Variants in TMTC2 observed in about 807,000 individuals in gnomAD.
TMTC2 encodes the protein transmembrane O-mannosyltransferase targeting cadherins 2.
A neutral mutation model predicts 82.4 loss-of-function variants in TMTC2; 43 were observed. The observed-to-expected ratio is 0.52, with a 90% CI of 0.41 to 0.67. TMTC2 has a LOEUF of 0.67. Among genes scored for constraint, TMTC2 ranks in the 30% least tolerant of loss-of-function variants. TMTC2 has a pLI of 0.00. For synonymous variants in TMTC2, 408 were observed against 381.9 expected, an observed-to-expected ratio of 1.07 and a Z score of -0.80; for missense variants, 919 against 1,012.4, an observed-to-expected ratio of 0.91 and a Z score of 1.25.
chr12:82,792,015 T>G (rs1202184800), intron 1 of TMTC2, among the ~76,000 whole-genome samples: 1 of 152,200 alleles, frequency 6.6e-6, no homozygotes, highest in Non-Finnish European at 1.5e-5. Flanking sequence ...TCTGATTTAA[T>G]CAAGAGTGTT....
At chr12:82,766,454 C>T (rs1876967138) in intron 1 of TMTC2, among the ~76,000 whole-genome samples, 1 of 152,196 alleles carries the variant, frequency 6.6e-6, no homozygotes, top group African/African-American at 2.4e-5. Flanking sequence ...GAAGAGTTGA[C>T]AAACATCTGC....
In TMTC2 at chr12:82,687,503, GA is replaced by G. The variant is rs1872373066; in HGVS notation, c.-82del. Reference sequence around the variant, plus strand: ...GTGAAGCTGGGAGGAGAAGGCGGCGGAAGGTGGAGATTGATGCTTCTGTTTT... The same window carrying G: ...GTGAAGCTGGGAGGAGAAGGCGGCGGAGGTGGAGATTGATGCTTCTGTTTT... On this transcript the variant is annotated 5_prime_UTR_variant, in exon 1 of 12. Transcript: ENST00000321196. 3 of 1,326,926 alleles carry G rather than the reference GA, an allele frequency of 2.3e-6. No individual in the cohort carries two copies. In the African/African-American group the frequency reaches 4.3e-5, roughly 19 times the overall value. The allele number at this position is 1,326,926 out of a possible 1,614,324, so 82.2% of individuals were successfully genotyped here. A position where few individuals can be genotyped will look rare whatever the true frequency, so the allele number is the denominator to read the frequency against.
chr12:82,930,379 A>G (rs1592635292), intron 3 of TMTC2, 52 bp from the exon 4 acceptor site: 1 of 1,031,210 alleles, frequency 9.7e-7, no homozygotes, highest in South Asian at 1.5e-5. Flanking sequence ...ATATTATGTC[A>G]TGTATAATTG....
chr12:83,018,024 GTATATATATAT>G (rs1880753402), intron 8 of TMTC2, among the ~76,000 whole-genome samples: 2 of 142,638 alleles, frequency 1.4e-5, no homozygotes, highest in Non-Finnish European at 3.0e-5. Flanking sequence ...TATATATATA[GTATATATATAT>G]TGTGTGTGTG....
At chr12:82,906,819 A>AC (rs1236711495) in intron 3 of TMTC2, among the ~76,000 whole-genome samples, 1 of 152,224 alleles carries the variant, frequency 6.6e-6, no homozygotes, top group East Asian at 1.9e-4. Flanking sequence ...TTTCATTTTT[A>AC]CCAGAGAGCC....
At chr12:82,889,346 A>G (rs1468826340) in intron 2 of TMTC2, among the ~76,000 whole-genome samples, 11 of 151,938 alleles carry the variant, frequency 7.2e-5, no homozygotes, top group Admixed American at 3.3e-4. Flanking sequence ...TTGTTAATAT[A>G]TTAATTGCAT....
chr12:82,834,784 A>G (rs1209418483), intron 1 of TMTC2, among the ~76,000 whole-genome samples: 4 of 152,214 alleles, frequency 2.6e-5, no homozygotes, highest in African/African-American at 9.6e-5. Flanking sequence ...AAGGATAGTA[A>G]TTTAATTCCA....
At chr12:82,750,250 T>C (rs953779760) in intron 1 of TMTC2, among the ~76,000 whole-genome samples, 1 of 151,952 alleles carries the variant, frequency 6.6e-6, no homozygotes, top group African/African-American at 2.4e-5. Flanking sequence ...TCTTTTTTTT[T>C]TTAATACAAA....
At chr12:82,946,889 C>T (rs1315991334) in intron 4 of TMTC2, among the ~76,000 whole-genome samples, 4 of 151,862 alleles carry the variant, frequency 2.6e-5, no homozygotes, top group Non-Finnish European at 5.9e-5. Flanking sequence ...CTACAGGCGC[C>T]CGCCACCACC....
intron 7 of TMTC2, among the ~76,000 whole-genome samples, chr12:82,983,643 A>G (rs773970478): frequency 1.3e-5 from 2 of 152,090 alleles, no homozygotes; most frequent in Non-Finnish European, 2.9e-5. Flanking sequence ...TTAAATTTTT[A>G]TATGAAAAGT....
At chr12:82,724,856 T>G (rs1027058849) in intron 1 of TMTC2, among the ~76,000 whole-genome samples, 2 of 152,196 alleles carry the variant, frequency 1.3e-5, no homozygotes, top group Non-Finnish European at 2.9e-5. Context: ...ACTGTGTGAC[T>G]TCATGACCTT....
At chr12:82,880,160 A>G (rs1486752079) in intron 2 of TMTC2, among the ~76,000 whole-genome samples, 1 of 152,218 alleles carries the variant, frequency 6.6e-6, no homozygotes, top group Non-Finnish European at 1.5e-5. Flanking sequence ...ATTAAGAAAT[A>G]TGATCCTTAC....
intron 1 of TMTC2, among the ~76,000 whole-genome samples, chr12:82,834,526 A>G (rs1592560107): frequency 6.6e-6 from 1 of 152,240 alleles, no homozygotes; most frequent in South Asian, 2.1e-4. Flanking sequence ...ATGATAGGCA[A>G]TGATAGGTAC....
chr12:82,977,126 A>C (rs1257081890), intron 7 of TMTC2, among the ~76,000 whole-genome samples: 1 of 152,048 alleles, frequency 6.6e-6, no homozygotes, highest in African/African-American at 2.4e-5. Context: ...GGGAGTTTGA[A>C]TAAATCAAGA....
At chr12:82,899,799 A>G (rs1460336541) in intron 3 of TMTC2, among the ~76,000 whole-genome samples, 1 of 145,248 alleles carries the variant, frequency 6.9e-6, no homozygotes, top group Non-Finnish European at 1.5e-5. Context: ...ATATATAGGA[A>G]TATATATATA....
In TMTC2 at chr12:82,703,096, C is replaced by T. The variant is rs559564095; in HGVS notation, c.83+15427C>T. Among the ~76,000 whole-genome samples the T allele has an allele frequency of 1.0e-3, 153 of 152,110 alleles. 1 individual carries two copies. Among genetic ancestry groups the T allele is most frequent in the African/African-American group, 3.5e-3 (145 of 41,512 alleles). The stretch of plus-strand genomic sequence containing the variant: ...CCTGTAGTCCTGGCTACTTTGGAGG[C>T]TGAGTGGGAGGATCACTTGATCCCA... On this transcript the variant is annotated intron_variant, in intron 1 of 11. Transcript: ENST00000321196.
intron 11 of TMTC2, among the ~76,000 whole-genome samples, chr12:83,101,100 A>G (rs900380945): frequency 6.6e-6 from 1 of 152,248 alleles, no homozygotes; most frequent in Non-Finnish European, 1.5e-5. Context: ...AGTAAATTAC[A>G]GTAACACAAA....
intron 8 of TMTC2, among the ~76,000 whole-genome samples, chr12:82,999,362 A>G (rs188151269): frequency 6.6e-6 from 1 of 152,342 alleles, no homozygotes; most frequent in Admixed American, 6.5e-5. Flanking sequence ...TATCAAGGAT[A>G]TCTATTAGCG....
chr12:82,952,370 A>G (rs1877393333), intron 4 of TMTC2, among the ~76,000 whole-genome samples: 1 of 152,134 alleles, frequency 6.6e-6, no homozygotes, highest in African/African-American at 2.4e-5. Flanking sequence ...TATTCTTGGC[A>G]GTTGTCTAAT....
Sources: gnomAD v4.1 joint callset for allele counts (sites outside exome capture counted in the v4.1 genomes callset) on GRCh38, gnomAD v4.1.1 for gene constraint, MANE v1.5 for transcripts, NCBI Gene and HGNC (gene_info 2026-07-23, HGNC 2026-07-21) for gene names.